TRAF3: variants seen among roughly 807,000 people sequenced by gnomAD.
TRAF3 encodes TNF receptor-associated factor 3.
Under a neutral mutation model 62.3 loss-of-function variants are expected in TRAF3, and 13 were observed. The ratio of observed to expected loss-of-function variants is 0.21; its 90% CI spans 0.14 to 0.33. The LOEUF (loss-of-function observed/expected upper bound fraction) is 0.33, where lower values mean the gene tolerates loss of function less well. Ranked by LOEUF, TRAF3 falls within the 10% of genes least tolerant of loss-of-function variation. The pLI, the probability that TRAF3 is intolerant of heterozygous loss-of-function variation, is 1.00. For synonymous variants in TRAF3, 269 were observed against 283.4 expected, an observed-to-expected ratio of 0.95 and a Z score of 0.51; for missense variants, 440 against 741.8, an observed-to-expected ratio of 0.59 and a Z score of 4.73.
chr14:102,780,492 A>G (rs1019049815), intron 1 of TRAF3, among the ~76,000 whole-genome samples: 1 of 151,708 alleles, frequency 6.6e-6, no homozygotes, highest in African/African-American at 2.4e-5. Flanking sequence ...GGGAGAAGGC[A>G]GAGTTTTTTA....
At chr14:102,879,488 G>A (rs1462062037) in intron 6 of TRAF3, among the ~76,000 whole-genome samples, 1 of 151,806 alleles carries the variant, frequency 6.6e-6, no homozygotes, top group African/African-American at 2.4e-5. Flanking sequence ...AAAACTCCTG[G>A]GCTTAAGCCA....
At chr14:102,786,574 C>T (rs934694895) in intron 1 of TRAF3, among the ~76,000 whole-genome samples, 6 of 152,128 alleles carry the variant, frequency 3.9e-5, no homozygotes, top group Admixed American at 6.5e-5. Flanking sequence ...GTAATTCCAG[C>T]TACTTGGGAT....
Position 102,903,587 on chromosome 14 carries a change from T to A in TRAF3, c.1135+158T>A. On this transcript the variant is annotated intron_variant, in intron 11 of 11. Transcript: ENST00000392745. This position sits in a 1 kb window ranked among gnomAD's most constrained non-coding sequence, Gnocchi z 6.4. Reference sequence around the variant, plus strand: ...CGCAGAGGTGTGATGACTTTCCTACTGAAAGTCCCCCAGCAAAGACAAACG... The same window carrying A: ...CGCAGAGGTGTGATGACTTTCCTACAGAAAGTCCCCCAGCAAAGACAAACG... The A allele has an allele frequency of 9.3e-7, 1 of 1,075,150 alleles. No homozygotes were observed. The highest frequency in any genetic ancestry group is 1.4e-6 in the Non-Finnish European group (1 of 725,550). 66.6% of individuals were successfully genotyped at this position (1,075,150 alleles called of 1,614,324 possible).
intron 2 of TRAF3, among the ~76,000 whole-genome samples, chr14:102,855,115 C>T (rs922672750): frequency 3.9e-5 from 6 of 152,320 alleles, no homozygotes; most frequent in Non-Finnish European, 8.8e-5. Context: ...CTGACTTACT[C>T]ACTTAGCATG....
rs371219336 is a variant in TRAF3 at position 102,876,344 on chromosome 14, G to T, written c.403-14G>T. 6.2e-7 allele frequency: 1 copy of T among 1,613,730 alleles called. No individual in the cohort carries two copies. Among genetic ancestry groups the T allele is most frequent in the South Asian group, 1.1e-5 (1 of 90,974 alleles). Reference sequence around the variant, plus strand: ...TTTTTCCCAATTAAGAACATTGAATGGTCTGTCTTACAGGTGCATTTAAAA... The same window carrying T: ...TTTTTCCCAATTAAGAACATTGAATTGTCTGTCTTACAGGTGCATTTAAAA... On this transcript the variant is annotated splice_polypyrimidine_tract_variant and intron_variant, in intron 5 of 11. Transcript: ENST00000392745.
At chr14:102,798,793 C>T (rs1175579310) in intron 1 of TRAF3, among the ~76,000 whole-genome samples, 2 of 152,172 alleles carry the variant, frequency 1.3e-5, no homozygotes, top group Admixed American at 6.5e-5. Flanking sequence ...CTTTGTAAAG[C>T]ACTTCATGGG....
chr14:102,866,319 A>T (rs1430283055), intron 2 of TRAF3, among the ~76,000 whole-genome samples: 1 of 152,184 alleles, frequency 6.6e-6, no homozygotes, highest in East Asian at 1.9e-4. Flanking sequence ...AATGTAGATG[A>T]CGGGTTGATG....
intron 10 of TRAF3, among the ~76,000 whole-genome samples, chr14:102,901,807 G>A (rs147766565): frequency 6.6e-6 from 1 of 152,354 alleles, no homozygotes; most frequent in East Asian, 1.9e-4. Flanking sequence ...CAAAGGTGCT[G>A]AAACCTAGAT....
chr14:102,879,130 G>A (rs10149939), intron 6 of TRAF3, among the ~76,000 whole-genome samples: 60,084 of 151,466 alleles, frequency 0.4, 15,983 homozygotes, highest in African/African-American at 0.75. Flanking sequence ...TGGAGAGGAG[G>A]ACAGAGCTCG....
At chr14:102,798,955 T>C (rs928353004) in intron 1 of TRAF3, among the ~76,000 whole-genome samples, 3 of 152,122 alleles carry the variant, frequency 2.0e-5, no homozygotes, top group African/African-American at 4.8e-5. Flanking sequence ...AATTACAGGA[T>C]TAGTAATTAT....
chr14:102,903,184 T>C lies in TRAF3; in HGVS notation c.961-71T>C. On this transcript the variant is annotated intron_variant, in intron 10 of 11. Coordinates refer to ENST00000392745, the MANE Select transcript of TRAF3 (RefSeq NM_145725.3). This position sits in a 1 kb window ranked among gnomAD's most constrained non-coding sequence, Gnocchi z 6.4. ...TGTTCTGCTCCTAGCCTGTCTGTATTTGATGGAAGGTGGTGCAGCATTTTC... is the reference window on the plus strand; with the variant it reads ...TGTTCTGCTCCTAGCCTGTCTGTATCTGATGGAAGGTGGTGCAGCATTTTC... 3 of 1,604,080 alleles carry C rather than the reference T, an allele frequency of 1.9e-6. No individual in the cohort carries two copies. The highest frequency in any genetic ancestry group is 2.2e-5 in the East Asian group (1 of 44,778).
At chr14:102,804,549 A>G (rs1396375453) in intron 1 of TRAF3, among the ~76,000 whole-genome samples, 1 of 152,064 alleles carries the variant, frequency 6.6e-6, no homozygotes, top group Non-Finnish European at 1.5e-5. Flanking sequence ...ATGTAATGGC[A>G]TGATCTCAGC....
chr14:102,890,427 G>GTAAGAA (rs768596544), intron 8 of TRAF3, among the ~76,000 whole-genome samples: 61 of 152,356 alleles, frequency 4.0e-4, no homozygotes, highest in East Asian at 7.7e-4. Flanking sequence ...CAGCCAAAGA[G>GTAAGAA]TAAGAATGAC....
chr14:102,819,276 G>GCCA, intron 1 of TRAF3, among the ~76,000 whole-genome samples: 1 of 152,068 alleles, frequency 6.6e-6, no homozygotes, highest in East Asian at 1.9e-4. Flanking sequence ...GGCTTCCCTG[G>GCCA]CCACCCTCTG....
In TRAF3 at chr14:102,824,014, C is replaced by T. The variant is rs536074676; in HGVS notation, c.-156-6320C>T. ...ATGTATTTGTTAGTCCATTGATAGACGTTTGGGTTGTTTCTACTTTTTGGC... is the reference window on the plus strand; with the variant it reads ...ATGTATTTGTTAGTCCATTGATAGATGTTTGGGTTGTTTCTACTTTTTGGC... On this transcript the variant is annotated intron_variant, in intron 1 of 11. Coordinates refer to ENST00000392745, the MANE Select transcript of TRAF3 (RefSeq NM_145725.3). Among the ~76,000 whole-genome samples, 10 of 152,276 alleles carry T rather than the reference C, an allele frequency of 6.6e-5. No homozygotes were observed. The East Asian group carries it at 9.6e-4, about 15-fold the overall frequency.
rs572596234 is a variant in TRAF3 at position 102,806,750 on chromosome 14, G to T, written c.-156-23584G>T. Among the ~76,000 whole-genome samples the T allele has an allele frequency of 5.5e-3, 840 of 152,218 alleles. 3 individuals carry two copies. The highest frequency in any genetic ancestry group is 7.5e-3 in the Non-Finnish European group (510 of 68,000). ...TAGAGGGGGCCTGGCAGGGCTGGGG[G>T]GAGGTCAAGAGTGGAGTGCTTCATA... On this transcript the variant is annotated intron_variant, in intron 1 of 11. Transcript: ENST00000392745.
At chr14:102,874,675 G>T (rs1186199257) in intron 4 of TRAF3, among the ~76,000 whole-genome samples, 1 of 151,374 alleles carries the variant, frequency 6.6e-6, no homozygotes, top group Admixed American at 6.6e-5. Context: ...AAAGAAATGG[G>T]GGTCTCCCAC....
chr14:102,903,139 C>T lies in TRAF3; in HGVS notation c.961-116C>T. On this transcript the variant is annotated intron_variant, in intron 10 of 11. Coordinates refer to ENST00000392745, the MANE Select transcript of TRAF3 (RefSeq NM_145725.3). This position sits in a 1 kb window ranked among gnomAD's most constrained non-coding sequence, Gnocchi z 6.4. Reference sequence around the variant, plus strand: ...GGAGTCAGAGCCGCGGGTGGCAGGCCTCATACAGGGGCCTCTGACTGTTCT... The same window carrying T: ...GGAGTCAGAGCCGCGGGTGGCAGGCTTCATACAGGGGCCTCTGACTGTTCT... The T allele has an allele frequency of 6.9e-7, 1 of 1,459,142 alleles. No homozygotes were observed. The allele number at this position is 1,459,142 out of a possible 1,614,324, so 90.4% of individuals were successfully genotyped here. A position where few individuals can be genotyped will look rare whatever the true frequency, so the allele number is the denominator to read the frequency against.
intron 2 of TRAF3, among the ~76,000 whole-genome samples, chr14:102,857,182 C>G (rs62008992): frequency 0.023 from 3,484 of 152,260 alleles, 63 homozygotes; most frequent in Non-Finnish European, 0.037. Flanking sequence ...TTACATTACC[C>G]ATCTCTCTTG....
Sources: allele counts gnomAD v4.1 joint callset (sites outside exome capture counted in the v4.1 genomes callset), GRCh38; gene constraint gnomAD v4.1.1; non-coding constraint Gnocchi (gnomAD v3.1); transcripts MANE v1.5; gene names NCBI Gene and HGNC (gene_info 2026-07-23, HGNC 2026-07-21).